Variants in BRD3 observed in about 807,000 individuals in gnomAD.
BRD3 encodes the protein bromodomain containing 3, also known as bromodomain-containing protein 3.
Under a neutral mutation model 66.8 loss-of-function variants are expected in BRD3, and 17 were observed. The ratio of observed to expected loss-of-function variants is 0.25; its 90% CI spans 0.17 to 0.38. The LOEUF is 0.38. Among genes scored for constraint, BRD3 ranks in the 10% least tolerant of loss-of-function variants. BRD3 has a pLI of 1.00. For missense variants in BRD3, 713 were observed against 956.1 expected (o/e 0.75, Z 3.35); for synonymous variants, 421 against 393.2 (o/e 1.07, Z -0.84).
At chr9:134,052,248 C>T (rs896183633) in intron 3 of BRD3, 58 bp downstream of exon 3, 68 of 1,594,792 alleles carry the variant, frequency 4.3e-5, no homozygotes, top group Admixed American at 5.1e-5. Flanking sequence ...AGGCCCACTG[C>T]GTTGCACAGC....
chr9:134,036,667 A>G, intron 9 of BRD3: 1 of 1,175,452 alleles, frequency 8.5e-7, no homozygotes, highest in African/African-American at 1.5e-5. Context: ...AAAGAAAATA[A>G]TAAAATGAGA....
chr9:134,046,238 C>T lies in BRD3; in HGVS notation c.1087-817G>A, dbSNP rs901764650. Among the ~76,000 whole-genome samples, 3 of 152,170 alleles carry T rather than the reference C, an allele frequency of 2.0e-5. No individual in the cohort carries two copies. The East Asian group carries it at 5.8e-4, about 29-fold the overall frequency. Reference sequence around the variant, plus strand: ...AGGGAGTGGCCAGAGGCAGGATCGTCGAGGGACGCTTCAAGGTGGCCACTG... The same window carrying T: ...AGGGAGTGGCCAGAGGCAGGATCGTTGAGGGACGCTTCAAGGTGGCCACTG... On this transcript the variant is annotated intron_variant, in intron 6 of 11. Coordinates refer to ENST00000303407, the MANE Select transcript of BRD3 (RefSeq NM_007371.4).
At chr9:134,053,646 C>G in intron 1 of BRD3, 56 bp from the exon 2 acceptor site, 5 of 1,413,648 alleles carry the variant, frequency 3.5e-6, no homozygotes, top group Non-Finnish European at 4.6e-6. Context: ...GGACCCCCAC[C>G]TCTCCCAGCC....
Position 134,063,971 on chromosome 9 carries a change from G to C in BRD3, c.-114+3974C>G, listed in dbSNP as rs183753859. 2.2e-3 allele frequency among the ~76,000 whole-genome samples: 332 copies of C among 152,270 alleles called. 1 individual carries two copies. The highest frequency in any genetic ancestry group is 7.6e-3 in the African/African-American group (317 of 41,570). On this transcript the variant is annotated intron_variant, in intron 1 of 11. Coordinates refer to ENST00000303407, the MANE Select transcript of BRD3 (RefSeq NM_007371.4). ...ACCTTGGGGGCCTGCGGCAAGGAGG[G>C]GGGCGGGGGCATGTTCCACGCCCCA...
intron 1 of BRD3, among the ~76,000 whole-genome samples, chr9:134,066,215 CTGAG>C (rs1830648436): frequency 1.3e-5 from 2 of 152,176 alleles, no homozygotes; most frequent in Admixed American, 6.5e-5. Context: ...CACCGGGCCT[CTGAG>C]GCTACCCGGA....
Position 134,052,448 on chromosome 9 carries a change from G to A in BRD3, c.214-5C>T, listed in dbSNP as rs200913664. On this transcript the variant is annotated splice_polypyrimidine_tract_variant and splice_region_variant and intron_variant, in intron 2 of 11. Coordinates refer to ENST00000303407, the MANE Select transcript of BRD3 (RefSeq NM_007371.4). ...TTTAATTATTTTATGATAATCCTAG[G>A]AAAGAGATTTTCAGAGGCATTACCA... 1.4e-4 allele frequency: 220 copies of A among 1,596,498 alleles called. No homozygotes were observed. The East Asian group carries it at 4.1e-3, about 30-fold the overall frequency.
rs1235991372 is a variant in BRD3 at position 134,050,423 on chromosome 9, G to A, written c.665C>T (p.Pro222Leu). 6.2e-7 allele frequency: 1 copy of A among 1,612,140 alleles called. No individual in the cohort carries two copies. The highest frequency in any genetic ancestry group is 1.3e-5 in the African/African-American group (1 of 74,914). ...GACCACGGGGACGATGGGTGTGGCA[G>A]GAGGAGGTGGGGCGGCAGCTGGGGG... ...PVPPAAAPPP[P>L]ATPIVPVVPP... is the part of the protein sequence containing the mutation. The change falls in exon 5 of 12, where the codon CCT (proline) becomes CTT (leucine). Residue 222 changes from proline (P) to leucine (L), a missense_variant. By Grantham distance (98) the Pro-to-Leu change is moderately conservative (BLOSUM62 -3). Around this residue, in one of 5 missense-constraint regions of BRD3, gnomAD observed 120 missense variants for 122.8 expected, o/e 0.98. Coordinates refer to ENST00000303407, the MANE Select transcript of BRD3 (RefSeq NM_007371.4).
intron 1 of BRD3, among the ~76,000 whole-genome samples, chr9:134,063,217 T>C (rs983915255): frequency 1.3e-5 from 2 of 152,212 alleles, no homozygotes; most frequent in Non-Finnish European, 2.9e-5. Flanking sequence ...CCCAGGCCTG[T>C]TGCCGGGACA....
chr9:134,048,524 G>A (rs1474147379), intron 5 of BRD3, 70 bp from the exon 6 acceptor site: 22 of 1,583,732 alleles, frequency 1.4e-5, no homozygotes, highest in African/African-American at 6.7e-5. Context: ...CTGCAGCCGC[G>A]TTTCTGGGGC....
chr9:134,064,796 T>G (rs1161146367), intron 1 of BRD3, among the ~76,000 whole-genome samples: 3 of 152,170 alleles, frequency 2.0e-5, no homozygotes, highest in Non-Finnish European at 4.4e-5. Context: ...CAGGGGCCCA[T>G]GATGTCTGTG....
In BRD3 at chr9:134,047,890, AG is replaced by A. The variant is rs1830208905; in HGVS notation, c.1086+192del. ...CAGAGCCACAGACTCCGGGACCCAC[AG>A]GCAGAGCACGCCTTCCTCGCTGAGC... On this transcript the variant is annotated intron_variant, in intron 6 of 11. Coordinates refer to ENST00000303407, the MANE Select transcript of BRD3 (RefSeq NM_007371.4). The A allele has an allele frequency of 1.3e-5, 9 of 687,196 alleles. No individual in the cohort carries two copies. The South Asian group carries it at 1.9e-4, about 15-fold the overall frequency. 42.6% of individuals were successfully genotyped at this position (687,196 alleles called of 1,614,324 possible).
At chr9:134,064,354 C>T (rs982677170) in intron 1 of BRD3, among the ~76,000 whole-genome samples, 2 of 149,392 alleles carry the variant, frequency 1.3e-5, no homozygotes, top group African/African-American at 5.0e-5. Context: ...ATGGCGAAAC[C>T]CCATCTTTAC....
At chr9:134,060,429 C>T (rs1399896179) in intron 1 of BRD3, among the ~76,000 whole-genome samples, 4 of 152,066 alleles carry the variant, frequency 2.6e-5, no homozygotes, top group East Asian at 1.9e-4. Context: ...CCTGATTCTA[C>T]GAAAATTTAA....
chr9:134,033,085 G>A lies in BRD3; in HGVS notation c.*505C>T, dbSNP rs1843540088. ...CTGGTCTCCACAAGCAGGCACATCT[G>A]TCCTCAGCCCCTCCAGAAAGAGGTG... On this transcript the variant is annotated 3_prime_UTR_variant, in exon 12 of 12. Transcript: ENST00000303407. This position sits in a 1 kb window ranked among gnomAD's most constrained non-coding sequence, Gnocchi z 5.1. 2.5e-6 allele frequency: 1 copy of A among 399,476 alleles called. No homozygotes were observed. Among genetic ancestry groups the A allele is most frequent in the African/African-American group, 2.1e-5 (1 of 48,608 alleles). The allele number at this position is 399,476 out of a possible 1,614,324, so 24.7% of individuals were successfully genotyped here.
intron 1 of BRD3, among the ~76,000 whole-genome samples, chr9:134,067,637 G>GC (rs1465779013): frequency 6.8e-6 from 1 of 146,718 alleles, no homozygotes; most frequent in Non-Finnish European, 1.5e-5. Flanking sequence ...CGGGCTGCGC[G>GC]CCCCGGCCGC....
intron 10 of BRD3, 58 bp from the exon 11 acceptor site, chr9:134,034,887 G>A: frequency 6.2e-7 from 1 of 1,601,850 alleles, no homozygotes; most frequent in Non-Finnish European, 8.5e-7. Context: ...GCAGGAGCCA[G>A]GGCTGCATCC....
chr9:134,042,525 T>C (rs1171774145), intron 7 of BRD3, among the ~76,000 whole-genome samples: 2 of 152,058 alleles, frequency 1.3e-5, no homozygotes, highest in African/African-American at 2.4e-5. Flanking sequence ...TGATCCTAGC[T>C]GCTCGGGAGG....
intron 10 of BRD3, among the ~76,000 whole-genome samples, chr9:134,035,120 C>T (rs1044437958): frequency 2.6e-5 from 4 of 152,188 alleles, no homozygotes; most frequent in East Asian, 1.9e-4. Context: ...AACAGGTGCA[C>T]GGACAGGATG....
At chr9:134,051,848 TGTGTGTGTGTGTG>T in intron 3 of BRD3, 139 bp from the exon 4 acceptor site, 1 of 399,090 alleles carries the variant, frequency 2.5e-6, no homozygotes, top group Non-Finnish European at 4.0e-6. Context: ...AATGAATATA[TGTGTGTGTGTGTG>T]TGTGTGTGTG....
Sources: gnomAD v4.1 joint callset for allele counts (sites outside exome capture counted in the v4.1 genomes callset) on GRCh38, gnomAD v4.1.1 for gene constraint, gnomAD v4.1.1 regional missense constraint, Gnocchi (gnomAD v3.1) non-coding constraint, MANE v1.5 for transcripts, NCBI Gene and HGNC (gene_info 2026-07-23, HGNC 2026-07-21) for gene names.